Variants in JARID2 observed in about 807,000 individuals in gnomAD.
The protein encoded by JARID2 is protein Jumonji.
Under a neutral mutation model 125.6 loss-of-function variants are expected in JARID2, and 21 were observed. The observed-to-expected ratio is 0.17, with a 90% CI of 0.12 to 0.24. The LOEUF is 0.24. Among genes scored for constraint, JARID2 ranks in the 10% least tolerant of loss-of-function variants. The pLI, the probability that JARID2 is intolerant of heterozygous loss-of-function variation, is 1.00. For missense variants in JARID2, 1,303 were observed against 1,639.6 expected, an observed-to-expected ratio of 0.79 and a Z score of 3.55; for synonymous variants, 736 against 661.6, an observed-to-expected ratio of 1.11 and a Z score of -1.73.
At chr6:15,408,299 C>T (rs1411835235) in intron 2 of JARID2, among the ~76,000 whole-genome samples, 5 of 152,266 alleles carry the variant, frequency 3.3e-5, no homozygotes, top group South Asian at 2.1e-4. Context: ...TACATATTTA[C>T]GATGTGCATC....
chr6:15,363,322 A>G (rs1322941897), intron 1 of JARID2, among the ~76,000 whole-genome samples: 1 of 152,150 alleles, frequency 6.6e-6, no homozygotes, highest in African/African-American at 2.4e-5. Flanking sequence ...ACCTGAGAGA[A>G]TCTCAGCGAA....
At chr6:15,400,761 C>T in intron 2 of JARID2, 12 of 980,760 alleles carry the variant, frequency 1.2e-5, no homozygotes, top group Non-Finnish European at 1.5e-5. Context: ...CTGGCTGCCT[C>T]CCCTCCCCCT....
chr6:15,477,135 A>C (rs1302708056), intron 5 of JARID2, among the ~76,000 whole-genome samples: 1 of 151,860 alleles, frequency 6.6e-6, no homozygotes, highest in African/African-American at 2.4e-5. Flanking sequence ...ATGTCATTGG[A>C]CTCCCAGCTG....
chr6:15,513,513 G>A, intron 16 of JARID2, 91 bp downstream of exon 16: 2 of 1,257,988 alleles, frequency 1.6e-6, no homozygotes, highest in Non-Finnish European at 1.1e-6. Flanking sequence ...GGCGCTCTCT[G>A]CCCAGGAGAC....
At chr6:15,260,075 T>G (rs902274452) in intron 1 of JARID2, among the ~76,000 whole-genome samples, 1 of 152,244 alleles carries the variant, frequency 6.6e-6, no homozygotes. Context: ...ACAGATCTTT[T>G]AATCTGAAAG....
At chr6:15,400,962 A>G (rs1765408503) in intron 2 of JARID2, 1 of 1,289,260 alleles carries the variant, frequency 7.8e-7, no homozygotes, top group Admixed American at 2.3e-5. Context: ...TGGCTGCTCC[A>G]CGGGTCTGTC....
chr6:15,391,177 G>A (rs940357395), intron 2 of JARID2, among the ~76,000 whole-genome samples: 3 of 152,128 alleles, frequency 2.0e-5, no homozygotes, highest in African/African-American at 4.8e-5. Context: ...CCAATGTCTT[G>A]TAATCAGGCC....
intron 3 of JARID2, among the ~76,000 whole-genome samples, chr6:15,450,706 C>G (rs1335435699): frequency 1.3e-5 from 2 of 152,118 alleles, no homozygotes; most frequent in African/African-American, 2.4e-5. Flanking sequence ...CTCACTATTG[C>G]GTGAGTGGAG....
chr6:15,383,673 G>A (rs1321250171), intron 2 of JARID2, among the ~76,000 whole-genome samples: 1 of 152,084 alleles, frequency 6.6e-6, no homozygotes, highest in Admixed American at 6.6e-5. Context: ...CACTTATCAA[G>A]GTCAGTAATG....
intron 1 of JARID2, among the ~76,000 whole-genome samples, chr6:15,263,205 C>T (rs993746062): frequency 2.0e-5 from 3 of 151,856 alleles, no homozygotes; most frequent in African/African-American, 7.3e-5. Flanking sequence ...TACCCCTTTG[C>T]AAACCGTAAA....
chr6:15,269,083 A>G (rs531484739), intron 1 of JARID2, among the ~76,000 whole-genome samples: 5 of 152,308 alleles, frequency 3.3e-5, no homozygotes, highest in South Asian at 2.1e-4. Flanking sequence ...GTGCTGAACC[A>G]TCATGTCTTT....
chr6:15,428,467 G>T (rs1319265119), intron 3 of JARID2, among the ~76,000 whole-genome samples: 1 of 152,170 alleles, frequency 6.6e-6, no homozygotes, highest in South Asian at 2.1e-4. Context: ...TGCCCTTCCT[G>T]TGTCCAAGTG....
chr6:15,264,296 G>C (rs1208271022), intron 1 of JARID2, among the ~76,000 whole-genome samples: 2 of 152,122 alleles, frequency 1.3e-5, no homozygotes, highest in Non-Finnish European at 2.9e-5. Context: ...TTGGAATCTT[G>C]TTTATTACAT....
chr6:15,408,263 G>GA (rs1765730459), intron 2 of JARID2, among the ~76,000 whole-genome samples: 1 of 152,068 alleles, frequency 6.6e-6, no homozygotes, highest in South Asian at 2.1e-4. Context: ...AAAGCAAAAA[G>GA]AAAAATTTGA....
At chr6:15,417,947 C>G (rs1766309661) in intron 3 of JARID2, among the ~76,000 whole-genome samples, 1 of 152,150 alleles carries the variant, frequency 6.6e-6, no homozygotes, top group Non-Finnish European at 1.5e-5. Flanking sequence ...TCTCTGTCAG[C>G]CCTACCACAG....
chr6:15,265,268 C>T (rs750888834), intron 1 of JARID2, among the ~76,000 whole-genome samples: 4 of 151,846 alleles, frequency 2.6e-5, no homozygotes, highest in Non-Finnish European at 4.4e-5. Flanking sequence ...GCTACTGCTC[C>T]GGGCTGTGCT....
At chr6:15,452,364 G>GT (rs1359975976) in intron 4 of JARID2, 189 bp downstream of exon 4, 3 of 441,178 alleles carry the variant, frequency 6.8e-6, no homozygotes, top group African/African-American at 6.5e-5. Flanking sequence ...TGAACCATCA[G>GT]TTAAGTTTTA....
At chr6:15,374,387 T>A in intron 2 of JARID2, 135 bp downstream of exon 2, 1 of 837,198 alleles carries the variant, frequency 1.2e-6, no homozygotes, top group Non-Finnish European at 1.9e-6. Flanking sequence ...GCTAGGTGAA[T>A]CTGCACTGCA....
chr6:15,293,669 G>C (rs1761307001), intron 1 of JARID2, among the ~76,000 whole-genome samples: 1 of 152,186 alleles, frequency 6.6e-6, no homozygotes, highest in Non-Finnish European at 1.5e-5. Flanking sequence ...CCTAAGAATG[G>C]TCCTTGAGAC....
Sources: gnomAD v4.1 joint callset for allele counts (sites outside exome capture counted in the v4.1 genomes callset) on GRCh38, gnomAD v4.1.1 for gene constraint, MANE v1.5 for transcripts, NCBI Gene and HGNC (gene_info 2026-07-23, HGNC 2026-07-21) for gene names.